Variants in VCAN observed in about 807,000 individuals in gnomAD.
VCAN encodes the protein versican.
Under a neutral mutation model 245.5 loss-of-function variants are expected in VCAN, and 44 were observed. The observed-to-expected ratio is 0.18, with a 90% CI of 0.14 to 0.23. The LOEUF is 0.23. Among genes scored for constraint, VCAN ranks in the 10% least tolerant of loss-of-function variants. VCAN has a pLI of 1.00. For missense variants in VCAN, 3,793 were observed against 4,057.9 expected (o/e 0.93, Z 1.77); for synonymous variants, 1,413 against 1,437.0 (o/e 0.98, Z 0.38).
At chr5:83,498,418 G>T (rs1258575579) in intron 5 of VCAN, among the ~76,000 whole-genome samples, 1 of 152,176 alleles carries the variant, frequency 6.6e-6, no homozygotes, top group East Asian at 1.9e-4. Flanking sequence ...ATAAATGAGT[G>T]AATTAATGAA....
chr5:83,524,460 G>T (rs1363350621), intron 7 of VCAN, among the ~76,000 whole-genome samples: 2 of 152,004 alleles, frequency 1.3e-5, no homozygotes, highest in Non-Finnish European at 2.9e-5. Flanking sequence ...GTGTATATGT[G>T]TGTACAACAA....
At chr5:83,523,482 C>G (rs1746178476) in intron 7 of VCAN, among the ~76,000 whole-genome samples, 1 of 149,960 alleles carries the variant, frequency 6.7e-6, no homozygotes, top group African/African-American at 2.5e-5. Context: ...TTTCTGAAGA[C>G]TGATGCTATC....
chr5:83,474,577 T>C (rs1580588935), intron 1 of VCAN, among the ~76,000 whole-genome samples: 1 of 152,270 alleles, frequency 6.6e-6, no homozygotes, highest in East Asian at 1.9e-4. Flanking sequence ...GCGGCTGGGT[T>C]AGCCAGCCGC....
chr5:83,569,007 C>T (rs566416044), intron 12 of VCAN, among the ~76,000 whole-genome samples: 1 of 152,072 alleles, frequency 6.6e-6, no homozygotes, highest in Admixed American at 6.6e-5. Flanking sequence ...GTTTTACTAC[C>T]CCCCATTTCT....
chr5:83,540,629 T>C lies in VCAN; in HGVS notation c.7626T>C (p.Asn2542=), dbSNP rs751601623. Residue 2542 remains asparagine (N), a synonymous_variant, in exon 8 of 15, where the codon AAT becomes AAC. Coordinates refer to ENST00000265077, the MANE Select transcript of VCAN (RefSeq NM_004385.5). The part of the protein sequence containing the change: ...LKPNRKKPTE[N]IIIDLDKEDK... The stretch of plus-strand genomic sequence containing the variant: ...CTAACAGAAAAAAACCCACTGAAAA[T>C]ATTATCATAGACCTGGACAAAGAGG... The C allele has an allele frequency of 4.5e-5, 72 of 1,613,718 alleles. 1 individual carries two copies. In the Admixed American group the frequency reaches 1.2e-3, roughly 26 times the overall value.
rs371700683 is a variant in VCAN, at chr5:83,519,557, T to G, written c.1251T>G (p.Asp417Glu). The stretch of plus-strand genomic sequence containing the variant: ...CAGTCCAACCTCAGGCTATCACAGA[T>G]AGTTTAGCCACCAAATTACCCACAC... ...KATVQPQAIT[D>E]SLATKLPTPT... The change falls in exon 7 of 15, where the codon GAT (aspartate) becomes GAG (glutamate). Residue 417 changes from aspartate (D) to glutamate (E), a missense_variant. Coordinates refer to ENST00000265077, the MANE Select transcript of VCAN (RefSeq NM_004385.5). 32 of 1,614,088 alleles carry G rather than the reference T, an allele frequency of 2.0e-5. No homozygotes were observed. The highest frequency in any genetic ancestry group is 2.7e-5 in the Non-Finnish European group (32 of 1,179,952).
At chr5:83,535,491 A>C (rs1746670017) in intron 7 of VCAN, 1 of 152,176 alleles carries the variant, frequency 6.6e-6, no homozygotes, top group South Asian at 2.1e-4. Context: ...AATTTAAAAA[A>C]AATTCAAGGA....
intron 5 of VCAN, among the ~76,000 whole-genome samples, chr5:83,497,065 G>C (rs1023948591): frequency 6.6e-6 from 1 of 152,036 alleles, no homozygotes; most frequent in Non-Finnish European, 1.5e-5. Flanking sequence ...TAAAAGATTT[G>C]GTATATTCAG....
rs1181351444 is a variant in VCAN, at chr5:83,519,739, T to A, written c.1433T>A (p.Val478Glu). 1 of 1,614,102 alleles carries A rather than the reference T, an allele frequency of 6.2e-7. No individual in the cohort carries two copies. Among genetic ancestry groups the A allele is most frequent in the Non-Finnish European group, 8.5e-7 (1 of 1,179,988 alleles). ...GCTACGGATTCATGGGATGGTGTCGTGGAAGATAAACAAACACAAGAATCG... is the reference window on the plus strand; with the variant it reads ...GCTACGGATTCATGGGATGGTGTCGAGGAAGATAAACAAACACAAGAATCG... ...HYATDSWDGV[V>E]EDKQTQESVT... Residue 478 changes from valine to glutamate, a missense_variant, in exon 7 of 15, where the codon GTG becomes GAG. This residue lies in a region of VCAN where 3,182 missense variants were observed against 3,250.3 expected (regional missense o/e 0.98). Coordinates refer to ENST00000265077, the MANE Select transcript of VCAN (RefSeq NM_004385.5).
chr5:83,536,839 C>A, intron 7 of VCAN, 168 bp from the exon 8 acceptor site: 2 of 540,636 alleles, frequency 3.7e-6, no homozygotes. Flanking sequence ...AATACAAAAA[C>A]AGTAAATTTG....
In VCAN at chr5:83,540,469, T is replaced by C. The variant is rs1746928169; in HGVS notation, c.7466T>C (p.Leu2489Pro). The change falls in exon 8 of 15, where the codon CTG becomes CCG. Residue 2489 changes from leucine to proline, a missense_variant. Physicochemically the swap from Leu to Pro is moderately conservative, Grantham distance 98. Around this residue, in one of 5 missense-constraint regions of VCAN, gnomAD observed 3,182 missense variants for 3,250.3 expected, o/e 0.98. Transcript: ENST00000265077. ...ADGFPTVSVM[L>P]PLHSEQNKSS... Reference sequence around the variant, plus strand: ...GGATTCCCAACAGTTTCAGTGATGCTGCCTCTTCATTCAGAGCAGAACAAA... The same window carrying C: ...GGATTCCCAACAGTTTCAGTGATGCCGCCTCTTCATTCAGAGCAGAACAAA... 6.2e-7 allele frequency: 1 copy of C among 1,613,992 alleles called. No individual in the cohort carries two copies. The highest frequency in any genetic ancestry group is 1.1e-5 in the South Asian group (1 of 91,074).
At chr5:83,531,079 GAATGATTGGGT>G (rs1415358912) in intron 7 of VCAN, among the ~76,000 whole-genome samples, 34 of 152,256 alleles carry the variant, frequency 2.2e-4, no homozygotes, top group African/African-American at 7.5e-4. Context: ...GTAACTGCTA[GAATGATTGGGT>G]AATGTATACA....
chr5:83,538,072 A>G lies in VCAN; in HGVS notation c.5069A>G (p.Tyr1690Cys), dbSNP rs138927784. ...TTTGAGGTTCCTGCAACCACCATTT[A>G]TCCAGTTTCTGAACAACCTTCTGCA... is the stretch of plus-strand genomic sequence containing the variant. ...SFFEVPATTI[Y>C]PVSEQPSAKV... The change falls in exon 8 of 15, where the codon TAT (tyrosine) becomes TGT (cysteine). Residue 1690 changes from tyrosine (Y) to cysteine (C), a missense_variant. Tyr to Cys is a radical substitution (Grantham distance 194). Transcript: ENST00000265077. 279 of 1,613,946 alleles carry G rather than the reference A, an allele frequency of 1.7e-4. 1 individual carries two copies. Among genetic ancestry groups the G allele is most frequent in the Non-Finnish European group, 2.2e-4 (255 of 1,179,986 alleles).
intron 2 of VCAN, among the ~76,000 whole-genome samples, 166 bp from the exon 3 acceptor site, chr5:83,489,932 A>G (rs1037351043): frequency 3.3e-5 from 5 of 152,158 alleles, no homozygotes; most frequent in African/African-American, 1.2e-4. Flanking sequence ...GTTGTAAAAC[A>G]TCATTGAAAT....
chr5:83,504,256 A>G (rs1310473143), intron 5 of VCAN, among the ~76,000 whole-genome samples: 1 of 152,194 alleles, frequency 6.6e-6, no homozygotes, highest in Non-Finnish European at 1.5e-5. Flanking sequence ...ATTTTGGAAA[A>G]CTATGGCTTA....
At chr5:83,578,828 T>G (rs1310427836) in intron 13 of VCAN, among the ~76,000 whole-genome samples, 2 of 152,150 alleles carry the variant, frequency 1.3e-5, no homozygotes, top group Non-Finnish European at 2.9e-5. Context: ...ATTAAAGATA[T>G]ATAGGTAAAT....
intron 6 of VCAN, among the ~76,000 whole-genome samples, chr5:83,515,287 T>C (rs1745805867): frequency 6.6e-6 from 1 of 152,232 alleles, no homozygotes; most frequent in Non-Finnish European, 1.5e-5. Flanking sequence ...GATCATTTCA[T>C]ACATCCCCAA....
intron 11 of VCAN, among the ~76,000 whole-genome samples, chr5:83,554,225 A>G (rs1179105769): frequency 6.6e-6 from 1 of 152,216 alleles, no homozygotes; most frequent in African/African-American, 2.4e-5. Context: ...CTTGACTTGA[A>G]CTACTGGCCT....
At chr5:83,543,528 G>A (rs1261072563) in intron 8 of VCAN, among the ~76,000 whole-genome samples, 1 of 152,124 alleles carries the variant, frequency 6.6e-6, no homozygotes, top group Non-Finnish European at 1.5e-5. Context: ...TTTAATAAAT[G>A]GCTTGAAATA....
Sources: allele counts gnomAD v4.1 joint callset (sites outside exome capture counted in the v4.1 genomes callset), GRCh38; gene constraint gnomAD v4.1.1; regional missense constraint gnomAD v4.1.1; transcripts MANE v1.5; gene names NCBI Gene and HGNC (gene_info 2026-07-23, HGNC 2026-07-21).